Variants in MMS22L observed in about 807,000 individuals in gnomAD.
MMS22L encodes the protein MMS22 like, DNA repair protein.
A neutral mutation model predicts 159.1 loss-of-function variants in MMS22L; 74 were observed. That is an observed-to-expected ratio of 0.47 (90% CI 0.39 to 0.56). The LOEUF (loss-of-function observed/expected upper bound fraction) is 0.56. Ranked by LOEUF, MMS22L falls within the 20% of genes least tolerant of loss-of-function variation. The pLI is 0.00. For synonymous variants in MMS22L, 517 were observed against 506.9 expected (o/e 1.02, Z -0.27); for missense variants, 1,351 against 1,422.1 (o/e 0.95, Z 0.80).
In MMS22L at chr6:97,142,532, A is replaced by G. The variant is rs1334485967; in HGVS notation, c.*4274T>C. The G allele has an allele frequency of 6.6e-6, 1 of 152,344 alleles. No individual in the cohort carries two copies. The highest frequency in any genetic ancestry group is 1.5e-5 in the Non-Finnish European group (1 of 67,932). 9.4% of individuals were successfully genotyped at this position (152,344 alleles called of 1,614,324 possible). On this transcript the variant is annotated 3_prime_UTR_variant, in exon 25 of 25. Transcript: ENST00000683635. ...TAACTCTAAGAGGGGTAGGTAAAAG[A>G]TCAGTTTTTTGGAAAATAAAAGATT...
chr6:97,229,157 A>G lies in MMS22L; in HGVS notation c.1776T>C (p.Ala592=). 1 of 1,614,158 alleles carries G rather than the reference A, an allele frequency of 6.2e-7. No individual in the cohort carries two copies. Among genetic ancestry groups the G allele is most frequent in the Non-Finnish European group, 8.5e-7 (1 of 1,180,016 alleles). ...AQKNLDIGVL[A]EKFSCAFREK... is the part of the protein sequence containing the mutation. ...CCCGGAAAGCACATGAAAATTTCTC[A>G]GCCAAAACACCAATGTCCAGATTTT... The change falls in exon 14 of 25, where the codon GCT becomes GCC. Residue 592 remains alanine, a synonymous_variant. Coordinates refer to ENST00000683635, the MANE Select transcript of MMS22L (RefSeq NM_001350599.2).
chr6:97,163,869 G>A (rs1480304645), intron 21 of MMS22L, among the ~76,000 whole-genome samples: 2 of 151,942 alleles, frequency 1.3e-5, no homozygotes, highest in Non-Finnish European at 2.9e-5. Flanking sequence ...GCATTTTGGA[G>A]GGGCAATATG....
Position 97,203,490 on chromosome 6 carries a change from T to G in MMS22L, c.2040-16800A>C, listed in dbSNP as rs191851912. 9.3e-4 allele frequency among the ~76,000 whole-genome samples: 142 copies of G among 152,304 alleles called. 1 individual carries two copies. Among genetic ancestry groups the G allele is most frequent in the Non-Finnish European group, 1.8e-3 (123 of 68,022 alleles). On this transcript the variant is annotated intron_variant, in intron 14 of 24. Transcript: ENST00000683635. ...ATGATACTCAATAAACAGTTTCTGT[T>G]GTAAACCCCTTAGGACGTGCAAAGC...
intron 14 of MMS22L, among the ~76,000 whole-genome samples, chr6:97,206,158 TC>T (rs1199927638): frequency 6.6e-6 from 1 of 152,096 alleles, no homozygotes; most frequent in African/African-American, 2.4e-5. Flanking sequence ...CCCTCCAAAA[TC>T]CTGTGTAGCT....
At chr6:97,151,204 G>A (rs1027093347) in intron 23 of MMS22L, among the ~76,000 whole-genome samples, 1 of 152,206 alleles carries the variant, frequency 6.6e-6, no homozygotes, top group African/African-American at 2.4e-5. Context: ...GTCAATGACA[G>A]ATAGCATGTA....
chr6:97,264,251 G>A (rs538452890), intron 8 of MMS22L: 1 of 152,166 alleles, frequency 6.6e-6, no homozygotes, highest in African/African-American at 2.4e-5. Flanking sequence ...GACTTCTAAT[G>A]AAAAGATTAG....
At chr6:97,205,360 C>T (rs1287053809) in intron 14 of MMS22L, among the ~76,000 whole-genome samples, 1 of 152,062 alleles carries the variant, frequency 6.6e-6, no homozygotes, top group Non-Finnish European at 1.5e-5. Flanking sequence ...TGTTGTTTTA[C>T]AATTCTTTAA....
chr6:97,151,778 C>T lies in MMS22L; in HGVS notation c.3475G>A (p.Val1159Met). Residue 1159 changes from valine (V) to methionine (M), a missense_variant, in exon 23 of 25, where the codon GTG becomes ATG. Val to Met is a conservative substitution (Grantham distance 21). Transcript: ENST00000683635. ...GGCATATTTTCCAGTTACCTAAACACAGAAGTCAGCTGGGAGGAAGGTTCT... is the reference window on the plus strand; with the variant it reads ...GGCATATTTTCCAGTTACCTAAACATAGAAGTCAGCTGGGAGGAAGGTTCT... ...EEEPSSQLTS[V>M]FRQFIQDYGM... The T allele has an allele frequency of 1.2e-6, 2 of 1,613,324 alleles. No homozygotes were observed. The highest frequency in any genetic ancestry group is 8.5e-7 in the Non-Finnish European group (1 of 1,179,428).
chr6:97,225,585 TC>T (rs1311182819), intron 14 of MMS22L, among the ~76,000 whole-genome samples: 1 of 151,050 alleles, frequency 6.6e-6, no homozygotes, highest in African/African-American at 2.4e-5. Context: ...TTTTTTTTTT[TC>T]TTTTGAGACC....
chr6:97,192,292 CT>C (rs1194572442), intron 14 of MMS22L, among the ~76,000 whole-genome samples: 4 of 152,090 alleles, frequency 2.6e-5, no homozygotes, highest in Non-Finnish European at 5.9e-5. Flanking sequence ...GGCAATGATG[CT>C]TACCGTCACA....
chr6:97,208,899 AC>A (rs1808073305), intron 14 of MMS22L, among the ~76,000 whole-genome samples: 1 of 151,994 alleles, frequency 6.6e-6, no homozygotes, highest in Admixed American at 6.6e-5. Context: ...TACCTAAAAA[AC>A]ATTTAACCCG....
At chr6:97,258,066 T>C (rs752550073) in intron 9 of MMS22L, among the ~76,000 whole-genome samples, 11 of 152,200 alleles carry the variant, frequency 7.2e-5, no homozygotes, top group Non-Finnish European at 1.5e-4. Flanking sequence ...TTTATATCAG[T>C]AGGGACTCAC....
chr6:97,229,827 T>G (rs970281164), intron 13 of MMS22L, among the ~76,000 whole-genome samples: 1 of 152,160 alleles, frequency 6.6e-6, no homozygotes, highest in Non-Finnish European at 1.5e-5. Flanking sequence ...CCTTAAACTC[T>G]TTTCTCCCTG....
chr6:97,150,103 G>T, intron 23 of MMS22L, 83 bp from the exon 24 acceptor site: 1 of 1,001,698 alleles, frequency 1.0e-6, no homozygotes, highest in Non-Finnish European at 1.5e-6. Context: ...ACTATGAACT[G>T]AACATAACAA....
intron 16 of MMS22L, among the ~76,000 whole-genome samples, chr6:97,181,289 ATGTTCT>A (rs1363961270): frequency 3.3e-5 from 5 of 152,136 alleles, no homozygotes; most frequent in Non-Finnish European, 7.4e-5. Context: ...TCTCATCTTG[ATGTTCT>A]TATTCAAGTC....
intron 14 of MMS22L, among the ~76,000 whole-genome samples, chr6:97,223,790 G>C (rs1453300868): frequency 5.3e-5 from 8 of 152,004 alleles, no homozygotes; most frequent in Non-Finnish European, 1.2e-4. Context: ...AAACTGATGG[G>C]ATAAAATGAA....
chr6:97,247,547 C>T (rs564708173), intron 10 of MMS22L, among the ~76,000 whole-genome samples: 60 of 151,992 alleles, frequency 3.9e-4, no homozygotes, highest in Non-Finnish European at 7.5e-4. Flanking sequence ...GGTGAAACCC[C>T]GTCTCTACTA....
At chr6:97,275,444 T>C (rs2128097547) in intron 4 of MMS22L, among the ~76,000 whole-genome samples, 1 of 152,302 alleles carries the variant, frequency 6.6e-6, no homozygotes, top group Non-Finnish European at 1.5e-5. Flanking sequence ...GGAAAATTGC[T>C]TGAACCAGGG....
At chr6:97,210,473 C>T (rs1808254059) in intron 14 of MMS22L, among the ~76,000 whole-genome samples, 1 of 151,876 alleles carries the variant, frequency 6.6e-6, no homozygotes, top group Non-Finnish European at 1.5e-5. Flanking sequence ...GAAATTTAAT[C>T]TGACTCATTC....
Sources: gnomAD v4.1 joint callset for allele counts (sites outside exome capture counted in the v4.1 genomes callset) on GRCh38, gnomAD v4.1.1 for gene constraint, MANE v1.5 for transcripts, NCBI Gene and HGNC (gene_info 2026-07-23, HGNC 2026-07-21) for gene names.